Variants in FAT3 observed in about 807,000 individuals in gnomAD.
FAT3 encodes FAT atypical cadherin 3, also known as protocadherin Fat 3.
FAT3 carries 95 observed loss-of-function variants against 310.2 expected under a neutral mutation model. The observed-to-expected ratio is 0.31, with a 90% CI of 0.26 to 0.36. The LOEUF is 0.36. Ranked by LOEUF, FAT3 falls within the 10% of genes least tolerant of loss-of-function variation. The pLI is 1.00. For synonymous variants in FAT3, 2,314 were observed against 2,192.9 expected (o/e 1.06, Z -1.54); for missense variants, 5,408 against 5,715.6 (o/e 0.95, Z 1.74).
rs551329020 is a variant in FAT3, at chr11:92,777,751, G to T, written c.4335+3571G>T. Among the ~76,000 whole-genome samples the T allele has an allele frequency of 3.3e-5, 5 of 152,206 alleles. No individual in the cohort carries two copies. The East Asian group carries it at 9.7e-4, about 30-fold the overall frequency. On this transcript the variant is annotated intron_variant, in intron 7 of 27. Transcript: ENST00000525166. ...TCTCCGCACCCTAGTCTTCTTGTTTGGAGGTGCCAATACCTACAACATGGC... is the reference window on the plus strand; with the variant it reads ...TCTCCGCACCCTAGTCTTCTTGTTTTGAGGTGCCAATACCTACAACATGGC...
intron 1 of FAT3, among the ~76,000 whole-genome samples, chr11:92,255,397 A>G (rs1252879401): frequency 6.6e-6 from 1 of 151,700 alleles, no homozygotes; most frequent in Non-Finnish European, 1.5e-5. Flanking sequence ...GTGGGCAGAT[A>G]CAACATTTGT....
intron 2 of FAT3, among the ~76,000 whole-genome samples, chr11:92,477,010 A>C (rs1375743739): frequency 6.6e-6 from 1 of 152,196 alleles, no homozygotes; most frequent in East Asian, 1.9e-4. Flanking sequence ...GGAAAACATA[A>C]ATAGTGTCTT....
chr11:92,457,987 T>C (rs1015254552), intron 2 of FAT3, among the ~76,000 whole-genome samples: 1 of 152,192 alleles, frequency 6.6e-6, no homozygotes, highest in African/African-American at 2.4e-5. Context: ...GTCAGAATTA[T>C]GCCAGCAGCT....
At chr11:92,627,774 C>T (rs1357435783) in intron 3 of FAT3, among the ~76,000 whole-genome samples, 1 of 152,216 alleles carries the variant, frequency 6.6e-6, no homozygotes, top group Non-Finnish European at 1.5e-5. Flanking sequence ...CAGTGATTAC[C>T]GTGTAGAAAG....
At chr11:92,277,839 CCT>C (rs1946315827) in intron 1 of FAT3, among the ~76,000 whole-genome samples, 1 of 151,900 alleles carries the variant, frequency 6.6e-6, no homozygotes. Flanking sequence ...ACATGTAACC[CCT>C]GATTCTAAAA....
At chr11:92,846,664 A>T (rs1948691334) in intron 19 of FAT3, among the ~76,000 whole-genome samples, 1 of 152,164 alleles carries the variant, frequency 6.6e-6, no homozygotes, top group South Asian at 2.1e-4. Context: ...TTTCAAAGTG[A>T]TGTTTTGGCC....
chr11:92,305,320 C>T (rs1168657549), intron 1 of FAT3, among the ~76,000 whole-genome samples: 1 of 152,078 alleles, frequency 6.6e-6, no homozygotes, highest in Non-Finnish European at 1.5e-5. Context: ...GGTACACACC[C>T]TCCTTACCGT....
At chr11:92,290,250 G>A (rs911057766) in intron 1 of FAT3, among the ~76,000 whole-genome samples, 6 of 151,866 alleles carry the variant, frequency 4.0e-5, no homozygotes, top group Non-Finnish European at 7.4e-5. Context: ...TATATATTAC[G>A]GTTATTTTCT....
chr11:92,865,913 T>C (rs1000866060), intron 21 of FAT3, among the ~76,000 whole-genome samples: 2 of 152,130 alleles, frequency 1.3e-5, no homozygotes, highest in African/African-American at 4.8e-5. Context: ...AGCAGGCTGG[T>C]CTCTGTTGTC....
intron 2 of FAT3, among the ~76,000 whole-genome samples, chr11:92,486,140 T>G (rs1952386912): frequency 7.3e-6 from 1 of 137,664 alleles, no homozygotes; most frequent in East Asian, 2.2e-4. Flanking sequence ...GTTTTTTTTT[T>G]TTTTTTTTTT....
intron 3 of FAT3, among the ~76,000 whole-genome samples, chr11:92,689,550 A>C (rs1943737185): frequency 6.6e-6 from 1 of 152,188 alleles, no homozygotes; most frequent in South Asian, 2.1e-4. Flanking sequence ...CAGGTGCATA[A>C]GTGCATCCTC....
At chr11:92,748,475 T>C (rs1945737178) in intron 4 of FAT3, among the ~76,000 whole-genome samples, 1 of 152,230 alleles carries the variant, frequency 6.6e-6, no homozygotes, top group South Asian at 2.1e-4. Flanking sequence ...TCTCCTTTCT[T>C]CTCCTTCCTT....
intron 3 of FAT3, among the ~76,000 whole-genome samples, chr11:92,541,464 G>A (rs967772034): frequency 2.0e-5 from 3 of 152,042 alleles, no homozygotes; most frequent in African/African-American, 7.2e-5. Context: ...TGTCATCTCT[G>A]GATTCACTTG....
At chr11:92,242,944 G>GA (rs983043921) in intron 1 of FAT3, among the ~76,000 whole-genome samples, 1 of 150,716 alleles carries the variant, frequency 6.6e-6, no homozygotes, top group Admixed American at 6.6e-5. Context: ...GTGTTCCAGG[G>GA]AAAAAAATGT....
Position 92,471,196 on chromosome 11 carries a change from C to G in FAT3, c.3293-53438C>G, listed in dbSNP as rs554567313. On this transcript the variant is annotated intron_variant, in intron 2 of 27. Transcript: ENST00000525166. ...TTTGATAAGTATCCGAAGCCTAAATCTTTTAGCACACTTTTATTACTTCCT... is the reference window on the plus strand; with the variant it reads ...TTTGATAAGTATCCGAAGCCTAAATGTTTTAGCACACTTTTATTACTTCCT... 2.6e-3 allele frequency among the ~76,000 whole-genome samples: 398 copies of G among 152,244 alleles called. 3 individuals carry two copies. Among genetic ancestry groups the G allele is most frequent in the Admixed American group, 2.2e-3 (33 of 15,280 alleles).
In FAT3 at chr11:92,892,758, C is replaced by T. The variant is rs542963260; in HGVS notation, c.*1645C>T. ...AGTATTTTGTTATAATTTTCCAGAA[C>T]TTACCTCTGTTTTAAAAGTGTGTAA... On this transcript the variant is annotated 3_prime_UTR_variant, in exon 28 of 28. Transcript: ENST00000525166. 2.6e-5 allele frequency: 4 copies of T among 152,300 alleles called. No individual in the cohort carries two copies. The highest frequency in any genetic ancestry group is 9.6e-5 in the African/African-American group (4 of 41,564). The allele number at this position is 152,300 out of a possible 1,614,324, so 9.4% of individuals were successfully genotyped here.
chr11:92,620,574 C>T (rs1287184949), intron 3 of FAT3, among the ~76,000 whole-genome samples: 3 of 151,950 alleles, frequency 2.0e-5, no homozygotes, highest in African/African-American at 4.8e-5. Context: ...TCAGTCAAAC[C>T]GTCTTCTAAG....
intron 1 of FAT3, among the ~76,000 whole-genome samples, chr11:92,315,522 G>T (rs934497838): frequency 0.015 from 1,815 of 122,650 alleles, 13 homozygotes; most frequent in Non-Finnish European, 0.022. Flanking sequence ...TAGAGAGAGA[G>T]AGAGAGAGAG....
chr11:92,451,668 CTTTA>C (rs1455473015), intron 2 of FAT3, among the ~76,000 whole-genome samples: 3 of 152,096 alleles, frequency 2.0e-5, no homozygotes, highest in Non-Finnish European at 4.4e-5. Flanking sequence ...TGCACATTCC[CTTTA>C]TTTATTTTTG....
Sources: allele counts gnomAD v4.1 joint callset (sites outside exome capture counted in the v4.1 genomes callset), GRCh38; gene constraint gnomAD v4.1.1; transcripts MANE v1.5; gene names NCBI Gene and HGNC (gene_info 2026-07-23, HGNC 2026-07-21).